PPHLN1: variants seen among roughly 807,000 people sequenced by gnomAD.
PPHLN1 encodes periphilin 1, also known as periphilin-1.
A neutral mutation model predicts 51.3 loss-of-function variants in PPHLN1; 29 were observed. The ratio of observed to expected loss-of-function variants is 0.57; its 90% confidence interval spans 0.42 to 0.77. PPHLN1 has a LOEUF of 0.77. Among genes scored for constraint, PPHLN1 ranks in the 30% least tolerant of loss-of-function variants. PPHLN1 has a pLI of 0.00. For missense variants in PPHLN1, 436 were observed against 438.4 expected (o/e 0.99, Z 0.05); for synonymous variants, 147 against 147.8 (o/e 0.99, Z 0.04).
chr12:42,341,895 A>G (rs2071562832), intron 2 of PPHLN1, among the ~76,000 whole-genome samples: 1 of 152,214 alleles, frequency 6.6e-6, no homozygotes, highest in African/African-American at 2.4e-5. Flanking sequence ...TGCTAGGATT[A>G]TAGGTGTGAG....
chr12:42,422,109 G>C (rs148329468), intron 9 of PPHLN1, among the ~76,000 whole-genome samples: 1 of 152,162 alleles, frequency 6.6e-6, no homozygotes, highest in East Asian at 1.9e-4. Flanking sequence ...ACCTCTAAAG[G>C]CATGTAATCA....
intron 9 of PPHLN1, among the ~76,000 whole-genome samples, chr12:42,401,484 G>A (rs73124421): frequency 0.16 from 23,658 of 149,332 alleles, 1,929 homozygotes; most frequent in Admixed American, 0.2. Flanking sequence ...GGAACTGGGC[G>A]TCACAGCAGG....
chr12:42,436,426 T>C (rs1034814695), intron 9 of PPHLN1, among the ~76,000 whole-genome samples: 26 of 152,240 alleles, frequency 1.7e-4, no homozygotes, highest in African/African-American at 6.0e-4. Context: ...CTTGCGTTTA[T>C]TTCTTCAGAA....
chr12:42,404,291 G>T (rs953309019), intron 9 of PPHLN1, among the ~76,000 whole-genome samples: 1 of 152,148 alleles, frequency 6.6e-6, no homozygotes, highest in African/African-American at 2.4e-5. Context: ...CACTTTGGGG[G>T]GCCCAGGCGG....
intron 9 of PPHLN1, among the ~76,000 whole-genome samples, chr12:42,404,083 A>G (rs1429378463): frequency 6.7e-6 from 1 of 149,994 alleles, no homozygotes; most frequent in Non-Finnish European, 1.5e-5. Flanking sequence ...TTCTCTAATT[A>G]TAAGTTCTCT....
chr12:42,426,218 A>ACACC (rs1185716112), intron 9 of PPHLN1, among the ~76,000 whole-genome samples: 5 of 121,738 alleles, frequency 4.1e-5, no homozygotes, highest in African/African-American at 1.6e-4. Flanking sequence ...ACACACACAC[A>ACACC]CACACACACA....
intron 8 of PPHLN1, among the ~76,000 whole-genome samples, chr12:42,398,326 C>T (rs2078463488): frequency 6.6e-6 from 1 of 152,090 alleles, no homozygotes; most frequent in Admixed American, 6.6e-5. Context: ...AAAAATACAG[C>T]CTTTTCTCAT....
downstream of PPHLN1, chr12:42,445,241 C>A: frequency 1.6e-6 from 1 of 615,950 alleles, no homozygotes; most frequent in South Asian, 1.9e-5. Context: ...CACTGCTTAA[C>A]CAAGCCACCC....
intron 8 of PPHLN1, among the ~76,000 whole-genome samples, chr12:42,395,793 T>G (rs1245627100): frequency 6.6e-6 from 1 of 152,198 alleles, no homozygotes; most frequent in South Asian, 2.1e-4. Flanking sequence ...TCAGAAACAT[T>G]GTGTAAATTT....
chr12:42,364,872 G>A (rs545613278), intron 4 of PPHLN1, among the ~76,000 whole-genome samples: 4 of 152,296 alleles, frequency 2.6e-5, no homozygotes, highest in South Asian at 2.1e-4. Context: ...AGGCGAAGGC[G>A]TGCTGTTGCA....
intron 5 of PPHLN1, among the ~76,000 whole-genome samples, chr12:42,379,862 T>C (rs1429693462): frequency 1.3e-5 from 2 of 152,082 alleles, no homozygotes; most frequent in Admixed American, 1.3e-4. Context: ...ATGCTGGATG[T>C]GTTTTGTATC....
intron 5 of PPHLN1, among the ~76,000 whole-genome samples, 196 bp from the exon 6 acceptor site, chr12:42,384,744 T>C (rs1353353971): frequency 6.6e-6 from 1 of 152,240 alleles, no homozygotes; most frequent in Non-Finnish European, 1.5e-5. Flanking sequence ...GGAGATTTTT[T>C]TCTCCCATTA....
intron 9 of PPHLN1, chr12:42,433,144 T>G (rs2082186980): frequency 3.9e-6 from 3 of 773,508 alleles, no homozygotes; most frequent in Non-Finnish European, 7.2e-6. Flanking sequence ...TCACAAGCAG[T>G]ATATTCAATG....
chr12:42,343,810 C>G lies in PPHLN1; in HGVS notation c.72+7836C>G, dbSNP rs78449804. 1.6e-3 allele frequency: 649 copies of G among 405,814 alleles called. 14 individuals are homozygous for G. The East Asian group carries it at 0.044, about 27-fold the overall frequency. The allele number at this position is 405,814 out of a possible 1,614,324, so 25.1% of individuals were successfully genotyped here. A position where few individuals can be genotyped will look rare whatever the true frequency, so the allele number is the denominator to read the frequency against. ...TACATTCTCGAATAAGATGCCTTAG[C>G]TCTCTGGGTCGATACCAGTTTTTAT... On this transcript the variant is annotated intron_variant, in intron 2 of 9. Coordinates refer to ENST00000358314, the MANE Select transcript of PPHLN1 (RefSeq NM_201439.2).
chr12:42,363,868 A>G (rs116868761), intron 4 of PPHLN1, among the ~76,000 whole-genome samples: 1,969 of 152,332 alleles, frequency 0.013, 13 homozygotes, highest in Middle Eastern at 0.037. Flanking sequence ...ACCAAGAGTT[A>G]GTGACTTAGA....
At chr12:42,402,532 C>T (rs1362619936) in intron 9 of PPHLN1, among the ~76,000 whole-genome samples, 1 of 152,158 alleles carries the variant, frequency 6.6e-6, no homozygotes, top group Non-Finnish European at 1.5e-5. Flanking sequence ...TCGCTTTTCC[C>T]TCCAAATAAA....
chr12:42,370,869 G>T (rs1013799145), intron 4 of PPHLN1, among the ~76,000 whole-genome samples: 2 of 152,104 alleles, frequency 1.3e-5, no homozygotes, highest in Admixed American at 6.5e-5. Context: ...TCACTCTGTT[G>T]CCTAGGCTGG....
At chr12:42,352,887 G>A (rs1446077914) in intron 3 of PPHLN1, among the ~76,000 whole-genome samples, 12 of 151,360 alleles carry the variant, frequency 7.9e-5, no homozygotes, top group African/African-American at 2.4e-4. Flanking sequence ...TCAGGAGGTC[G>A]AGACCAGTCT....
At chr12:42,333,175 G>T (rs1025592393) in intron 1 of PPHLN1, among the ~76,000 whole-genome samples, 1 of 151,706 alleles carries the variant, frequency 6.6e-6, no homozygotes. Flanking sequence ...TTGTTACTGG[G>T]GTTACTTTTC....
Sources: allele counts gnomAD v4.1 joint callset (sites outside exome capture counted in the v4.1 genomes callset), GRCh38; gene constraint gnomAD v4.1.1; transcripts MANE v1.5; gene names NCBI Gene and HGNC (gene_info 2026-07-23, HGNC 2026-07-21).